The following ABLIM1 variants were observed in gnomAD, a reference collection of about 807,000 sequenced individuals.
ABLIM1 encodes the protein actin binding LIM protein 1.
In ABLIM1, 40 loss-of-function variants were observed where a neutral mutation model predicts 107.0. The ratio of observed to expected loss-of-function variants is 0.37; its 90% CI spans 0.29 to 0.49. ABLIM1 has a LOEUF of 0.49. Ranked by LOEUF, ABLIM1 falls within the 20% of genes least tolerant of loss-of-function variation. ABLIM1 has a pLI of 0.97. For synonymous variants in ABLIM1, 357 were observed against 357.3 expected (o/e 1.00, Z 0.01); for missense variants, 857 against 1,008.5 (o/e 0.85, Z 2.04).
At chr10:114,688,173 G>A (rs138006846), upstream of ABLIM1, among the ~76,000 whole-genome samples, 18 of 152,238 alleles carry the variant, frequency 1.2e-4, no homozygotes, top group Non-Finnish European at 1.5e-4. Flanking sequence ...ACACAACTAC[G>A]TCCTCCGTGC....
chr10:114,485,316 C>T (rs545576837), intron 8 of ABLIM1: 11 of 1,613,002 alleles, frequency 6.8e-6, no homozygotes, highest in Non-Finnish European at 9.3e-6. Context: ...CGGAGACCGT[C>T]CTGTGCGTCG....
chr10:114,548,223 C>A (rs2497718), intron 4 of ABLIM1, among the ~76,000 whole-genome samples: 118,679 of 152,162 alleles, frequency 0.78, 46,937 homozygotes, highest in African/African-American at 0.93. Flanking sequence ...GGAGGCTGCC[C>A]GTAAATCTCA....
intron 6 of ABLIM1, among the ~76,000 whole-genome samples, chr10:114,512,855 A>AGAAGGAAG (rs869261400): frequency 8.6e-4 from 44 of 51,316 alleles, no homozygotes; most frequent in Middle Eastern, 9.1e-3. Flanking sequence ...AAGGAAGGAA[A>AGAAGGAAG]GAAGGAAGGA....
chr10:114,543,653 C>T (rs2066964437), intron 6 of ABLIM1, among the ~76,000 whole-genome samples: 2 of 152,244 alleles, frequency 1.3e-5, no homozygotes, highest in Admixed American at 1.3e-4. Flanking sequence ...CTGGTCTAAT[C>T]ACATGACACT....
intron 1 of ABLIM1, among the ~76,000 whole-genome samples, chr10:114,630,149 A>G (rs991670491): frequency 6.6e-6 from 1 of 152,230 alleles, no homozygotes; most frequent in Non-Finnish European, 1.5e-5. Context: ...ACTGATCTAT[A>G]ATATATACCA....
chr10:114,675,478 C>T (rs2080440117), intron 1 of ABLIM1, among the ~76,000 whole-genome samples: 1 of 152,172 alleles, frequency 6.6e-6, no homozygotes, highest in Non-Finnish European at 1.5e-5. Context: ...TTTGCTCCTC[C>T]TTCGCCTTCT....
chr10:114,561,476 G>C (rs2069688959), intron 4 of ABLIM1, among the ~76,000 whole-genome samples: 1 of 152,028 alleles, frequency 6.6e-6, no homozygotes, highest in Non-Finnish European at 1.5e-5. Flanking sequence ...AAAAACATAG[G>C]GTGGGAAATA....
intron 1 of ABLIM1, among the ~76,000 whole-genome samples, chr10:114,712,261 G>A (rs988095053): frequency 1.3e-5 from 2 of 149,688 alleles, no homozygotes; most frequent in Non-Finnish European, 3.0e-5. Flanking sequence ...GCTGAGGCAG[G>A]AGAATCACTT....
At chr10:114,644,280 CAAAAAAAAAAAAA>C (rs1170954656) in intron 1 of ABLIM1, among the ~76,000 whole-genome samples, 1 of 18,640 alleles carries the variant, frequency 5.4e-5, no homozygotes, top group Non-Finnish European at 1.0e-4. Context: ...GACTCCATCT[CAAAAAAAAAAAAA>C]AAAAAAAAAA....
At chr10:114,449,042 T>C (rs915664816) in intron 14 of ABLIM1, among the ~76,000 whole-genome samples, 4 of 152,258 alleles carry the variant, frequency 2.6e-5, no homozygotes, top group African/African-American at 4.8e-5. Context: ...TTTCCACTCA[T>C]TGTTTTGTTC....
intron 6 of ABLIM1, among the ~76,000 whole-genome samples, chr10:114,543,894 A>G (rs2066992563): frequency 6.6e-6 from 1 of 152,142 alleles, no homozygotes; most frequent in African/African-American, 2.4e-5. Flanking sequence ...TTTGACCACA[A>G]CCACACCCTT....
At chr10:114,523,860 A>G (rs2064174558) in intron 6 of ABLIM1, among the ~76,000 whole-genome samples, 1 of 152,218 alleles carries the variant, frequency 6.6e-6, no homozygotes, top group African/African-American at 2.4e-5. Flanking sequence ...GGGGGCAAAT[A>G]GACCTAAAAT....
intron 2 of ABLIM1, among the ~76,000 whole-genome samples, chr10:114,582,187 A>G (rs2073466287): frequency 6.6e-6 from 1 of 152,180 alleles, no homozygotes; most frequent in Admixed American, 6.6e-5. Context: ...CAAAATAAAT[A>G]TACAAAAACC....
chr10:114,538,580 C>T (rs530960243), intron 6 of ABLIM1, among the ~76,000 whole-genome samples: 3 of 152,130 alleles, frequency 2.0e-5, no homozygotes, highest in East Asian at 3.8e-4. Flanking sequence ...GCCACCAGCC[C>T]GCCCAGAAAG....
At chr10:114,685,364 C>A (rs1009160165), upstream of ABLIM1, among the ~76,000 whole-genome samples, 5 of 152,126 alleles carry the variant, frequency 3.3e-5, no homozygotes, top group African/African-American at 1.2e-4. Flanking sequence ...ACCAGCAGCA[C>A]CCGTTGTGAG....
At chr10:114,680,646 T>C (rs918581457) in intron 1 of ABLIM1, among the ~76,000 whole-genome samples, 2 of 152,032 alleles carry the variant, frequency 1.3e-5, no homozygotes, top group Non-Finnish European at 2.9e-5. Context: ...ACCAGCGAGG[T>C]CATCTATATC....
chr10:114,546,384 C>T (rs111691278), intron 5 of ABLIM1, among the ~76,000 whole-genome samples: 1,932 of 151,412 alleles, frequency 0.013, 52 homozygotes, highest in African/African-American at 0.045. Context: ...ACCTCCGCCT[C>T]CCAGGTTCAA....
chr10:114,550,820 T>A (rs189702218), intron 4 of ABLIM1, among the ~76,000 whole-genome samples: 54 of 152,318 alleles, frequency 3.5e-4, no homozygotes, highest in Admixed American at 3.5e-3. Flanking sequence ...CTAACTGAAA[T>A]TTTTCTTTAT....
At chr10:114,462,817 A>G (rs1488829465) in intron 12 of ABLIM1, among the ~76,000 whole-genome samples, 1 of 152,136 alleles carries the variant, frequency 6.6e-6, no homozygotes, top group African/African-American at 2.4e-5. Context: ...GGTCTTAAAC[A>G]TACTTCCTGC....
Sources: gnomAD v4.1 joint callset for allele counts (sites outside exome capture counted in the v4.1 genomes callset) on GRCh38, gnomAD v4.1.1 for gene constraint, MANE v1.5 for transcripts, NCBI Gene and HGNC (gene_info 2026-07-23, HGNC 2026-07-21) for gene names.